The following CLYBL variants were observed in gnomAD, a reference collection of about 807,000 sequenced individuals.
CLYBL encodes the protein citramalyl-CoA lyase, mitochondrial.
In CLYBL, 31 loss-of-function variants were observed where a neutral mutation model predicts 38.9. The observed-to-expected ratio is 0.80, with a 90% CI of 0.60 to 1.08. The LOEUF is 1.08. Among genes scored for constraint, CLYBL ranks in the 50% least tolerant of loss-of-function variants. The pLI, the probability that CLYBL is intolerant of heterozygous loss-of-function variation, is 0.00. For synonymous variants in CLYBL, 171 were observed against 158.6 expected, an observed-to-expected ratio of 1.08 and a Z score of -0.59; for missense variants, 434 against 411.6, an observed-to-expected ratio of 1.05 and a Z score of -0.47.
downstream of CLYBL, among the ~76,000 whole-genome samples, chr13:99,898,752 A>T (rs1010496865): frequency 2.0e-4 from 31 of 151,836 alleles, no homozygotes; most frequent in African/African-American, 6.8e-4. Context: ...CTTGAAAGCC[A>T]CTCCTGAGAG....
intron 1 of CLYBL, among the ~76,000 whole-genome samples, chr13:99,622,277 G>A (rs186471429): frequency 6.6e-6 from 1 of 152,230 alleles, no homozygotes; most frequent in East Asian, 1.9e-4. Flanking sequence ...ATAAATACTG[G>A]GTATAAGGAC....
chr13:99,606,904 C>G, intron 1 of CLYBL, 147 bp downstream of exon 1: 1 of 1,256,330 alleles, frequency 8.0e-7, no homozygotes, highest in Non-Finnish European at 1.0e-6. Context: ...CACGCGCTGG[C>G]TCGACCTCGT....
At chr13:99,701,260 G>A (rs2048060696) in intron 1 of CLYBL, among the ~76,000 whole-genome samples, 1 of 152,082 alleles carries the variant, frequency 6.6e-6, no homozygotes. Flanking sequence ...TATATATATT[G>A]TCTCATTTAA....
intron 2 of CLYBL, among the ~76,000 whole-genome samples, chr13:99,842,723 A>G (rs922027404): frequency 2.0e-5 from 3 of 150,836 alleles, no homozygotes; most frequent in African/African-American, 7.3e-5. Context: ...TAAAAAAAAA[A>G]GCAATTTTAG....
At chr13:99,665,771 A>C (rs984463312) in intron 1 of CLYBL, among the ~76,000 whole-genome samples, 2 of 152,186 alleles carry the variant, frequency 1.3e-5, no homozygotes, top group Non-Finnish European at 2.9e-5. Context: ...GGTTTTCTTT[A>C]AACAACTCTA....
intron 1 of CLYBL, among the ~76,000 whole-genome samples, chr13:99,634,648 GT>G (rs2046993928): frequency 6.7e-6 from 1 of 148,932 alleles, no homozygotes. Flanking sequence ...ATTTTTTAAT[GT>G]GGATGTATTA....
intron 1 of CLYBL, among the ~76,000 whole-genome samples, chr13:99,765,037 T>C (rs2049241374): frequency 6.6e-6 from 1 of 151,898 alleles, no homozygotes; most frequent in Non-Finnish European, 1.5e-5. Flanking sequence ...TTTAAATGTT[T>C]TTCTTTTCTT....
chr13:99,708,520 C>A (rs2048180115), intron 1 of CLYBL, among the ~76,000 whole-genome samples: 1 of 152,184 alleles, frequency 6.6e-6, no homozygotes, highest in Non-Finnish European at 1.5e-5. Flanking sequence ...TTCTGAAATT[C>A]CAGCTCTGAA....
At position 99,849,867 on chromosome 13, in the gene CLYBL, GC is replaced by G. The variant is rs150016860; in HGVS notation, c.250-8990del. Among the ~76,000 whole-genome samples the G allele has an allele frequency of 9.3e-3, 1,413 of 152,306 alleles. 19 individuals carry two copies. The highest frequency in any genetic ancestry group is 0.032 in the African/African-American group (1,329 of 41,552). On this transcript the variant is annotated intron_variant, in intron 2 of 8. Coordinates refer to ENST00000339105, the MANE Select transcript of CLYBL (RefSeq NM_206808.5). The surrounding 1 kb of genome is among the most constrained non-coding windows in gnomAD (Gnocchi z 4.9). ...CAGCCAAGGAGGCAGACAGAAGTAA[GC>G]CCCTTCTTTCCACTGGAGTTTTCTC...
At chr13:99,792,658 G>T (rs1017777423) in intron 2 of CLYBL, among the ~76,000 whole-genome samples, 2 of 151,952 alleles carry the variant, frequency 1.3e-5, no homozygotes, top group African/African-American at 2.4e-5. Flanking sequence ...CTAAAAGAAG[G>T]TGAGTGGTTG....
intron 1 of CLYBL, among the ~76,000 whole-genome samples, chr13:99,723,034 C>G (rs747821710): frequency 6.6e-6 from 1 of 152,280 alleles, no homozygotes; most frequent in Non-Finnish European, 1.5e-5. Flanking sequence ...TTAATTCACA[C>G]TTCTCTGCTA....
At chr13:99,848,779 G>T (rs1226937085) in intron 2 of CLYBL, among the ~76,000 whole-genome samples, 3 of 152,192 alleles carry the variant, frequency 2.0e-5, no homozygotes, top group Non-Finnish European at 2.9e-5. Flanking sequence ...AGTAAAAGTG[G>T]GAAGAGCCAT....
At chr13:99,795,222 G>A (rs1053497722) in intron 2 of CLYBL, among the ~76,000 whole-genome samples, 15 of 152,200 alleles carry the variant, frequency 9.9e-5, no homozygotes, top group Non-Finnish European at 2.1e-4. Context: ...ATGTAATGCA[G>A]TTGTGTTAGC....
downstream of CLYBL, among the ~76,000 whole-genome samples, chr13:99,902,128 C>A (rs1326151003): frequency 6.6e-6 from 1 of 152,126 alleles, no homozygotes; most frequent in Admixed American, 6.5e-5. Context: ...ATAAAGTGTA[C>A]CTTTTATAAC....
chr13:99,663,119 G>A (rs960319822), intron 1 of CLYBL, among the ~76,000 whole-genome samples: 4 of 152,210 alleles, frequency 2.6e-5, no homozygotes, highest in Non-Finnish European at 5.9e-5. Flanking sequence ...AAACGGAGCA[G>A]TGTAAACTCA....
chr13:99,722,872 C>A lies in CLYBL; in HGVS notation c.63-49952C>A, dbSNP rs961103599. ...TGGTGGCTTCACACAGCATCATTAC[C>A]AAGAGGACAGGACACTAGGACTGTT... On this transcript the variant is annotated intron_variant, in intron 1 of 8. Transcript: ENST00000339105. 2.6e-5 allele frequency among the ~76,000 whole-genome samples: 4 copies of A among 152,220 alleles called. No homozygotes were observed. The East Asian group carries it at 7.7e-4, about 29-fold the overall frequency.
At chr13:99,905,505 G>A (rs534445094) in intron 9 of CLYBL, among the ~76,000 whole-genome samples, 1 of 152,120 alleles carries the variant, frequency 6.6e-6, no homozygotes, top group South Asian at 2.1e-4. Context: ...GAAAGCTGGG[G>A]GCAGTGGAGC....
chr13:99,710,085 C>T (rs1465196270), intron 1 of CLYBL, among the ~76,000 whole-genome samples: 3 of 151,972 alleles, frequency 2.0e-5, no homozygotes, highest in Non-Finnish European at 2.9e-5. Context: ...CCACCAAGCC[C>T]GGCTAATTTT....
chr13:99,697,374 T>TTTA (rs749585490), intron 1 of CLYBL, among the ~76,000 whole-genome samples: 4 of 152,132 alleles, frequency 2.6e-5, no homozygotes, highest in Middle Eastern at 3.2e-3. Context: ...CCACAGGCTT[T>TTTA]TTATTATTAT....
Sources: allele counts gnomAD v4.1 joint callset (sites outside exome capture counted in the v4.1 genomes callset), GRCh38; gene constraint gnomAD v4.1.1; non-coding constraint Gnocchi (gnomAD v3.1); transcripts MANE v1.5; gene names NCBI Gene and HGNC (gene_info 2026-07-23, HGNC 2026-07-21).